Variants in ABI3BP observed in about 807,000 individuals in gnomAD.
ABI3BP encodes target of Nesh-SH3.
In ABI3BP, 216 loss-of-function variants were observed where a neutral mutation model predicts 268.6. The ratio of observed to expected loss-of-function variants is 0.80; its 90% confidence interval spans 0.72 to 0.90. ABI3BP has a LOEUF of 0.90. Ranked by LOEUF, ABI3BP falls within the 40% of genes least tolerant of loss-of-function variation. The pLI is 0.00. For missense variants in ABI3BP, 2,090 were observed against 2,182.4 expected (o/e 0.96, Z 0.84); for synonymous variants, 730 against 730.0 (o/e 1.00, Z 0.00).
In ABI3BP at chr3:100,749,936, C is replaced by G. The variant is rs1043554614; in HGVS notation, c.*559G>C. ...AGCATGAATGTGTAACTATTAAACT[C>G]CTCCGCAAAGCTATTCAGCTGTTGC... On this transcript the variant is annotated 3_prime_UTR_variant, in exon 68 of 68. Coordinates refer to ENST00000471714, the MANE Select transcript of ABI3BP (RefSeq NM_001375547.2). 1.0e-5 allele frequency: 4 copies of G among 389,578 alleles called. No individual in the cohort carries two copies. The highest frequency in any genetic ancestry group is 1.8e-5 in the Non-Finnish European group (4 of 220,888). 24.1% of individuals were successfully genotyped at this position (389,578 alleles called of 1,614,324 possible).
At chr3:100,754,409 A>G (rs1559802649) in intron 64 of ABI3BP, among the ~76,000 whole-genome samples, 1 of 152,216 alleles carries the variant, frequency 6.6e-6, no homozygotes, top group Non-Finnish European at 1.5e-5. Flanking sequence ...TGCTTTTTAA[A>G]TTAAACTGAT....
chr3:100,792,558 C>G, intron 55 of ABI3BP, 133 bp downstream of exon 55: 1 of 861,780 alleles, frequency 1.2e-6, no homozygotes. Flanking sequence ...TGGCTGATTT[C>G]TTTCACCTAT....
intron 52 of ABI3BP, 119 bp downstream of exon 52, chr3:100,796,290 A>G: frequency 1.4e-6 from 1 of 731,038 alleles, no homozygotes; most frequent in South Asian, 2.5e-5. Context: ...TGCATTTTAT[A>G]CCCATATTTT....
intron 51 of ABI3BP, among the ~76,000 whole-genome samples, chr3:100,796,945 A>C (rs923645476): frequency 2.0e-5 from 3 of 152,148 alleles, no homozygotes; most frequent in African/African-American, 7.2e-5. Flanking sequence ...AGAAGATAAC[A>C]CAGTCTTATT....
chr3:100,791,235 T>A lies in ABI3BP; in HGVS notation c.4024+1456A>T, dbSNP rs889685188. The stretch of plus-strand genomic sequence containing the variant: ...AATACAATATTTTGAAGGAATTTGA[T>A]TAAAATTCCATATATACTAGTAATG... On this transcript the variant is annotated intron_variant, in intron 55 of 67. Transcript: ENST00000471714. Among the ~76,000 whole-genome samples the A allele has an allele frequency of 2.0e-5, 3 of 151,878 alleles. No individual in the cohort carries two copies. In the East Asian group the frequency reaches 5.8e-4, roughly 29 times the overall value.
At position 100,851,948 on chromosome 3, in the gene ABI3BP, A is replaced by AAAT. The variant is rs1415822609; in HGVS notation, c.1286-9_1286-8insATT. The stretch of plus-strand genomic sequence containing the variant: ...AGAAAACATCATAAGTTGCTTAAAA[A>AAAT]AAAAAAAAAGGCAAAACAAGAGAGA... On this transcript the variant is annotated splice_polypyrimidine_tract_variant and intron_variant, in intron 14 of 67. Transcript: ENST00000471714. 6 of 1,548,812 alleles carry AAAT rather than the reference A, an allele frequency of 3.9e-6. No individual in the cohort carries two copies. The highest frequency in any genetic ancestry group is 5.2e-6 in the Non-Finnish European group (6 of 1,151,334).
At chr3:100,929,147 G>A (rs2062825688) in intron 1 of ABI3BP, among the ~76,000 whole-genome samples, 1 of 151,978 alleles carries the variant, frequency 6.6e-6, no homozygotes, top group South Asian at 2.1e-4. Flanking sequence ...AGTTGGGAGG[G>A]AGCATTTAAC....
chr3:100,921,582 G>T (rs149672480), intron 2 of ABI3BP, among the ~76,000 whole-genome samples: 2 of 151,464 alleles, frequency 1.3e-5, no homozygotes, highest in East Asian at 3.9e-4. Context: ...TCACGTCATC[G>T]CAGGGCTCTG....
At chr3:100,856,803 G>A (rs2098945006) in intron 14 of ABI3BP, among the ~76,000 whole-genome samples, 1 of 152,144 alleles carries the variant, frequency 6.6e-6, no homozygotes, top group East Asian at 1.9e-4. Flanking sequence ...GTCTTTAGAA[G>A]TCGTGCACAC....
intron 1 of ABI3BP, among the ~76,000 whole-genome samples, chr3:100,979,413 A>AT (rs549212750): frequency 3.3e-5 from 5 of 152,146 alleles, no homozygotes; most frequent in Admixed American, 2.0e-4. Flanking sequence ...GTTTCTTGCC[A>AT]TTTTTTTTAA....
At chr3:100,770,612 C>T in intron 62 of ABI3BP, 131 bp downstream of exon 62, 1 of 752,834 alleles carries the variant, frequency 1.3e-6, no homozygotes, top group East Asian at 3.1e-5. Context: ...GCCTTAAAGG[C>T]AGCAAAACTG....
chr3:100,792,654 G>T, intron 55 of ABI3BP, 37 bp downstream of exon 55: 1 of 1,587,762 alleles, frequency 6.3e-7, no homozygotes. Context: ...AAGCAAATAA[G>T]GAAAAGTTAT....
In ABI3BP at chr3:100,875,498, A is replaced by G. The variant is rs372422877; in HGVS notation, c.817+10T>C. ...GCTTAATCTCGGCATAGATTTCGAG[A>G]TCCACTCACCTAGTATCACTCCTCC... On this transcript the variant is annotated intron_variant, in intron 8 of 67. Coordinates refer to ENST00000471714, the MANE Select transcript of ABI3BP (RefSeq NM_001375547.2). 7 of 1,597,602 alleles carry G rather than the reference A, an allele frequency of 4.4e-6. No individual in the cohort carries two copies. The African/African-American group carries it at 8.0e-5, about 18-fold the overall frequency.
At chr3:100,981,324 C>G (rs996588722) in intron 1 of ABI3BP, among the ~76,000 whole-genome samples, 1 of 151,882 alleles carries the variant, frequency 6.6e-6, no homozygotes, top group African/African-American at 2.4e-5. Flanking sequence ...AGCTGTGAGG[C>G]AAGGACATGG....
chr3:100,855,742 C>T (rs1156725777), intron 14 of ABI3BP, among the ~76,000 whole-genome samples: 3 of 152,126 alleles, frequency 2.0e-5, no homozygotes, highest in Non-Finnish European at 4.4e-5. Flanking sequence ...TGTAGACATA[C>T]CCTGTCATGG....
chr3:100,984,761 C>T (rs2091054568), intron 1 of ABI3BP, among the ~76,000 whole-genome samples: 1 of 152,092 alleles, frequency 6.6e-6, no homozygotes, highest in Admixed American at 6.5e-5. Flanking sequence ...AGAACTTTGC[C>T]AAAGTAGTCT....
rs2095227945 is a variant in ABI3BP at position 100,749,889 on chromosome 3, A to ATGTT, written c.*602_*605dup. On this transcript the variant is annotated 3_prime_UTR_variant, in exon 68 of 68. Transcript: ENST00000471714. ...ATTCAATCTTTTTAAGAATTTGTGG[A>ATGTT]TGTTTAAAGGAAATGTATATTAGCA... 1.0e-5 allele frequency: 4 copies of ATGTT among 395,318 alleles called. No individual in the cohort carries two copies. Among genetic ancestry groups the ATGTT allele is most frequent in the African/African-American group, 8.2e-5 (4 of 48,674 alleles). 24.5% of individuals were successfully genotyped at this position (395,318 alleles called of 1,614,324 possible).
Position 100,862,312 on chromosome 3 carries a change from A to T in ABI3BP, c.1284T>A (p.Thr428=). The change falls in exon 14 of 68, where the codon ACT becomes ACA. Residue 428 remains threonine (T), a splice_region_variant and synonymous_variant. Coordinates refer to ENST00000471714, the MANE Select transcript of ABI3BP (RefSeq NM_001375547.2). The stretch of plus-strand genomic sequence containing the variant: ...TTTTTAAGAAAAGGATTTAATTACC[A>T]GTTTGAGGCTGCAGAACTTTGGAAT... The part of the protein sequence containing the change: ...SEDSKVLQPQ[T]ATYDVFSSPT... 6.3e-7 allele frequency: 1 copy of T among 1,589,508 alleles called. No individual in the cohort carries two copies. Among genetic ancestry groups the T allele is most frequent in the Non-Finnish European group, 8.6e-7 (1 of 1,168,738 alleles).
Position 100,898,822 on chromosome 3 carries a change from C to T in ABI3BP, c.401G>A (p.Trp134Ter). The T allele has an allele frequency of 6.2e-7, 1 of 1,613,744 alleles. No homozygotes were observed. The highest frequency in any genetic ancestry group is 8.5e-7 in the Non-Finnish European group (1 of 1,179,762). ...ATGGTGTGGGTTGATGAGGAAACCC[C>T]AGGACAGGAAGACCGAGCTCGGTGT... ...TLTPSSVFLS[W>*]GFLINPHHDW... The change falls in exon 4 of 68, where the codon TGG becomes TAG. Residue 134 changes from tryptophan (W) to a stop codon, truncating the protein, a stop_gained. Coordinates refer to ENST00000471714, the MANE Select transcript of ABI3BP (RefSeq NM_001375547.2). LOFTEE classifies it high-confidence loss of function.
Sources: allele counts gnomAD v4.1 joint callset (sites outside exome capture counted in the v4.1 genomes callset), GRCh38; gene constraint gnomAD v4.1.1; transcripts MANE v1.5; gene names NCBI Gene and HGNC (gene_info 2026-07-23, HGNC 2026-07-21).